Variants in MALRD1 observed in about 807,000 individuals in gnomAD.
MALRD1 encodes MAM and LDL receptor class A domain containing 1, also known as MAM and LDL-receptor class A domain-containing protein 1.
MALRD1 carries 247 observed loss-of-function variants against 242.1 expected under a neutral mutation model. The ratio of observed to expected loss-of-function variants is 1.02; its 90% CI spans 0.92 to 1.13. MALRD1 has a LOEUF of 1.13. Among genes scored for constraint, MALRD1 ranks in the 50% most tolerant of loss-of-function variants. MALRD1 has a pLI of 0.00. For missense variants in MALRD1, 2,989 were observed against 2,533.1 expected, an observed-to-expected ratio of 1.18 and a Z score of -3.86; for synonymous variants, 995 against 866.6, an observed-to-expected ratio of 1.15 and a Z score of -2.60.
intron 12 of MALRD1, among the ~76,000 whole-genome samples, chr10:19,161,508 A>AAAAT (rs1247984189): frequency 6.7e-5 from 9 of 134,188 alleles, no homozygotes; most frequent in Non-Finnish European, 1.3e-4. Context: ...TATAATAAAA[A>AAAAT]AAATAAATAA....
chr10:19,339,160 G>T (rs1434873338), intron 24 of MALRD1, among the ~76,000 whole-genome samples: 1 of 151,988 alleles, frequency 6.6e-6, no homozygotes, highest in African/African-American at 2.4e-5. Flanking sequence ...TTATCCCAAG[G>T]CCATGCCTTC....
chr10:19,378,660 C>A (rs1240576448), intron 26 of MALRD1, among the ~76,000 whole-genome samples: 1 of 152,014 alleles, frequency 6.6e-6, no homozygotes, highest in East Asian at 1.9e-4. Flanking sequence ...CAAGTGAATT[C>A]CTTGCACTCT....
At chr10:19,513,580 A>G (rs1200715100) in intron 31 of MALRD1, among the ~76,000 whole-genome samples, 1 of 152,018 alleles carries the variant, frequency 6.6e-6, no homozygotes, top group African/African-American at 2.4e-5. Context: ...TCTACTAAAA[A>G]TACAAAAAAT....
At chr10:19,127,885 T>G (rs1056287571) in intron 7 of MALRD1, among the ~76,000 whole-genome samples, 26 of 152,238 alleles carry the variant, frequency 1.7e-4, no homozygotes, top group African/African-American at 5.5e-4. Context: ...AAAAAAGGAT[T>G]GAATTGTGAT....
In MALRD1 at chr10:19,621,273, C is replaced by T. The variant is rs1377170133; in HGVS notation, c.6137+5350C>T. 3.0e-5 allele frequency among the ~76,000 whole-genome samples: 4 copies of T among 135,296 alleles called. No individual in the cohort carries two copies. The Admixed American group carries it at 3.1e-4, about 11-fold the overall frequency. 88.8% of individuals were successfully genotyped at this position (135,296 alleles called of 152,430 possible). A position where few individuals can be genotyped will look rare whatever the true frequency, so the allele number is the denominator to read the frequency against. ...GTTAAATTAAATATTATTTATAAAA[C>T]ATATAATTGGGGATATTTGAAAACA... is the stretch of plus-strand genomic sequence containing the variant. On this transcript the variant is annotated intron_variant, in intron 36 of 39. Transcript: ENST00000454679.
At chr10:19,344,961 G>A (rs536151330) in intron 24 of MALRD1, among the ~76,000 whole-genome samples, 1 of 152,172 alleles carries the variant, frequency 6.6e-6, no homozygotes, top group Admixed American at 6.6e-5. Context: ...TGATGGCACA[G>A]GTGTCTGATA....
At chr10:19,579,567 T>C (rs1208883938) in intron 33 of MALRD1, among the ~76,000 whole-genome samples, 1 of 152,212 alleles carries the variant, frequency 6.6e-6, no homozygotes, top group Non-Finnish European at 1.5e-5. Flanking sequence ...GGACCGATGA[T>C]GATTTTCTCT....
At chr10:19,208,034 CTGCAACTCAAAATGTATGA>C in intron 17 of MALRD1, among the ~76,000 whole-genome samples, 1 of 151,976 alleles carries the variant, frequency 6.6e-6, no homozygotes, top group Admixed American at 6.6e-5. Context: ...TCAGAATGAA[CTGCAACTCAAAATGTATGA>C]ATTGCTTATT....
At chr10:19,117,766 C>G (rs1226796326) in intron 5 of MALRD1, among the ~76,000 whole-genome samples, 1 of 152,152 alleles carries the variant, frequency 6.6e-6, no homozygotes, top group Non-Finnish European at 1.5e-5. Flanking sequence ...TAAATCATTT[C>G]CATAACCAAT....
At chr10:19,167,084 G>A (rs1422236805) in intron 13 of MALRD1, among the ~76,000 whole-genome samples, 1 of 152,172 alleles carries the variant, frequency 6.6e-6, no homozygotes, top group Non-Finnish European at 1.5e-5. Flanking sequence ...AAAGGGTTGG[G>A]GGTGGTGGCT....
At chr10:19,710,673 G>A (rs1050206214) in intron 38 of MALRD1, 6 of 152,038 alleles carry the variant, frequency 3.9e-5, no homozygotes, top group African/African-American at 1.2e-4. Flanking sequence ...ACTGTATTAC[G>A]GCTCCATATT....
rs1589151392 is a variant in MALRD1, at chr10:19,491,330, C to G, written c.5030-187C>G. 5 of 741,488 alleles carry G rather than the reference C, an allele frequency of 6.7e-6. No individual in the cohort carries two copies. In the East Asian group the frequency reaches 1.7e-4, roughly 25 times the overall value. The allele number at this position is 741,488 out of a possible 1,614,324, so 45.9% of individuals were successfully genotyped here. On this transcript the variant is annotated intron_variant, in intron 29 of 39. Coordinates refer to ENST00000454679, the MANE Select transcript of MALRD1 (RefSeq NM_001142308.3). ...ATAAAAGATATTTCAGAAGTAGAGT[C>G]TATATAACTTGCTGAACCATTGAAG...
intron 1 of MALRD1, among the ~76,000 whole-genome samples, chr10:19,057,520 G>A (rs1422932902): frequency 6.6e-6 from 1 of 152,072 alleles, no homozygotes; most frequent in Non-Finnish European, 1.5e-5. Context: ...TTTTAAATAT[G>A]AATTTGAGGG....
chr10:19,719,201 T>TATATATACAC lies in MALRD1; in HGVS notation c.6315-11498_6315-11497insCACATATATA, dbSNP rs1564567229. ...ATATATATATATATACATACATATA[T>TATATATACAC]ATATATATATACACATACATACATA... On this transcript the variant is annotated intron_variant, in intron 38 of 39. Coordinates refer to ENST00000454679, the MANE Select transcript of MALRD1 (RefSeq NM_001142308.3). Among the ~76,000 whole-genome samples, 31 of 95,870 alleles carry TATATATACAC rather than the reference T, an allele frequency of 3.2e-4. 2 individuals carry two copies. The highest frequency in any genetic ancestry group is 6.8e-4 in the Admixed American group (5 of 7,398). The allele number at this position is 95,870 out of a possible 152,430, so 62.9% of individuals were successfully genotyped here. A position where few individuals can be genotyped will look rare whatever the true frequency, so the allele number is the denominator to read the frequency against.
intron 29 of MALRD1, among the ~76,000 whole-genome samples, chr10:19,482,446 G>A (rs547881733): frequency 6.6e-6 from 1 of 151,934 alleles, no homozygotes; most frequent in Non-Finnish European, 1.5e-5. Flanking sequence ...GGAAGAGAAA[G>A]AAATAAAAGG....
At chr10:19,591,854 A>G (rs916024889) in intron 33 of MALRD1, among the ~76,000 whole-genome samples, 1 of 152,234 alleles carries the variant, frequency 6.6e-6, no homozygotes, top group Non-Finnish European at 1.5e-5. Context: ...AAAGATAAAG[A>G]TAGTACATCT....
chr10:19,129,460 A>G (rs920056905), intron 8 of MALRD1, among the ~76,000 whole-genome samples: 1 of 152,080 alleles, frequency 6.6e-6, no homozygotes, highest in Non-Finnish European at 1.5e-5. Context: ...GCGTTCAGCA[A>G]TCTAGAAGCT....
At chr10:19,670,646 T>C (rs1841873148) in intron 36 of MALRD1, among the ~76,000 whole-genome samples, 1 of 152,200 alleles carries the variant, frequency 6.6e-6, no homozygotes, top group Admixed American at 6.5e-5. Flanking sequence ...GTTTCCAACT[T>C]GGTCCTCACA....
intron 18 of MALRD1, among the ~76,000 whole-genome samples, chr10:19,238,485 AT>A (rs1322548318): frequency 0.036 from 754 of 20,826 alleles, 76 homozygotes; most frequent in African/African-American, 0.21. Flanking sequence ...AATATACATT[AT>A]ATATAATATA....
Sources: allele counts gnomAD v4.1 joint callset (sites outside exome capture counted in the v4.1 genomes callset), GRCh38; gene constraint gnomAD v4.1.1; transcripts MANE v1.5; gene names NCBI Gene and HGNC (gene_info 2026-07-23, HGNC 2026-07-21).